Variants in IL1RAPL2 observed in about 807,000 individuals in gnomAD.
The protein encoded by IL1RAPL2 is interleukin 1 receptor accessory protein like 2.
In IL1RAPL2, 3 loss-of-function variants were observed where a neutral mutation model predicts 44.1. That is an observed-to-expected ratio of 0.07 (90% CI 0.03 to 0.18). IL1RAPL2 has a LOEUF of 0.18. IL1RAPL2 is among the 10% of genes least tolerant of loss of function. The probability of loss-of-function intolerance (pLI) is 1.00; values close to 1 mark genes in which losing one functional copy is unlikely to be tolerated. For synonymous variants in IL1RAPL2, 181 were observed against 178.8 expected (o/e 1.01, Z -0.10); for missense variants, 391 against 496.4 (o/e 0.79, Z 2.02).
chrX:105,615,732 TTAAAA>T (rs1346308316), intron 6 of IL1RAPL2, among the ~76,000 whole-genome samples: 1 of 111,800 alleles, frequency 8.9e-6, no homozygotes, highest in Non-Finnish European at 1.9e-5. Flanking sequence ...CAAAAATAGT[TTAAAA>T]TAATAAATAA....
intron 2 of IL1RAPL2, among the ~76,000 whole-genome samples, chrX:104,852,284 A>G (rs1321635963): frequency 8.9e-6 from 1 of 112,450 alleles, no homozygotes; most frequent in Non-Finnish European, 1.9e-5. Flanking sequence ...GGAGGATTAC[A>G]TAATTGTCTT....
At chrX:105,339,278 G>C (rs2035052688) in intron 5 of IL1RAPL2, among the ~76,000 whole-genome samples, 1 of 111,500 alleles carries the variant, frequency 9.0e-6, no homozygotes, top group African/African-American at 3.3e-5. Context: ...ATGCCATGTA[G>C]GTTCCTTTTT....
At chrX:104,954,378 A>G (rs1383746808) in intron 2 of IL1RAPL2, among the ~76,000 whole-genome samples, 2 of 112,280 alleles carry the variant, frequency 1.8e-5, no homozygotes, top group Admixed American at 9.4e-5. Context: ...AAGTTTCTTG[A>G]AGGTCTGTTG....
chrX:104,708,245 T>C (rs1217818239), intron 2 of IL1RAPL2, among the ~76,000 whole-genome samples: 1 of 111,882 alleles, frequency 8.9e-6, no homozygotes, highest in Non-Finnish European at 1.9e-5. Flanking sequence ...CATCACACAG[T>C]TGTTCTTACC....
intron 1 of IL1RAPL2, among the ~76,000 whole-genome samples, chrX:104,581,619 A>G (rs1271169855): frequency 9.0e-6 from 1 of 111,420 alleles, no homozygotes; most frequent in Non-Finnish European, 1.9e-5. Context: ...CAAGCCCAGA[A>G]TTATCTTTTG....
chrX:105,486,893 C>T (rs1602433626), intron 6 of IL1RAPL2, among the ~76,000 whole-genome samples: 1 of 108,844 alleles, frequency 9.2e-6, no homozygotes, highest in African/African-American at 3.4e-5. Flanking sequence ...GAGATCGAGA[C>T]CATCCTGATT....
Position 105,048,678 on chromosome X carries a change from A to G in IL1RAPL2, c.83-146797A>G, listed in dbSNP as rs942157160. Among the ~76,000 whole-genome samples, 4 of 112,053 alleles carry G rather than the reference A, an allele frequency of 3.6e-5. No homozygotes were observed. In the Admixed American group the frequency reaches 3.8e-4, roughly 11 times the overall value. ...CTGCCATAGTGGACAGTGTACATTT[A>G]GAGGAACTCATTTTTGCATCACTAC... is the stretch of plus-strand genomic sequence containing the variant. On this transcript the variant is annotated intron_variant, in intron 2 of 10. Transcript: ENST00000372582.
intron 1 of IL1RAPL2, among the ~76,000 whole-genome samples, chrX:104,575,651 G>A (rs910603574): frequency 2.7e-5 from 3 of 111,713 alleles, no homozygotes; most frequent in African/African-American, 9.7e-5. Flanking sequence ...TGCCACTATC[G>A]GTACAGGGAA....
At position 104,649,410 on chromosome X, in the gene IL1RAPL2, C is replaced by T. The variant is rs147551626; in HGVS notation, c.-19-9485C>T. Reference sequence around the variant, plus strand: ...ATTTGAGTTTGAGAGCCATATTTCCCTCCATAGTAGATAGAATCTAGTTAA... The same window carrying T: ...ATTTGAGTTTGAGAGCCATATTTCCTTCCATAGTAGATAGAATCTAGTTAA... On this transcript the variant is annotated intron_variant, in intron 1 of 10. Coordinates refer to ENST00000372582, the MANE Select transcript of IL1RAPL2 (RefSeq NM_017416.2). 4.9e-3 allele frequency among the ~76,000 whole-genome samples: 544 copies of T among 111,597 alleles called. 1 individual carries two copies. Among genetic ancestry groups the T allele is most frequent in the Non-Finnish European group, 8.8e-3 (467 of 52,997 alleles).
chrX:104,820,465 G>A (rs1921270350), intron 2 of IL1RAPL2, among the ~76,000 whole-genome samples: 1 of 111,370 alleles, frequency 9.0e-6, no homozygotes, highest in Admixed American at 9.6e-5. Context: ...TGTCTCAACT[G>A]CTGATTCAGC....
At chrX:105,048,140 GA>G (rs1411213664) in intron 2 of IL1RAPL2, among the ~76,000 whole-genome samples, 1 of 111,653 alleles carries the variant, frequency 9.0e-6, no homozygotes, top group Non-Finnish European at 1.9e-5. Context: ...CTAGGTAAAA[GA>G]GAGAGAGGAA....
chrX:104,602,876 G>A (rs1023993414), intron 1 of IL1RAPL2, among the ~76,000 whole-genome samples: 3 of 111,709 alleles, frequency 2.7e-5, no homozygotes, highest in African/African-American at 6.5e-5. Context: ...GAGCACCTGG[G>A]GAAAGGGGCA....
intron 2 of IL1RAPL2, among the ~76,000 whole-genome samples, chrX:105,036,571 T>C (rs1200961168): frequency 8.9e-6 from 1 of 111,877 alleles, no homozygotes; most frequent in African/African-American, 3.3e-5. Flanking sequence ...CCAGAAATAT[T>C]TTTCTTATGA....
intron 4 of IL1RAPL2, among the ~76,000 whole-genome samples, chrX:105,255,049 T>G (rs966741814): frequency 2.7e-5 from 3 of 111,829 alleles, no homozygotes; most frequent in Non-Finnish European, 5.6e-5. Flanking sequence ...GGGCTCTTTT[T>G]TGGTTCCTTA....
chrX:105,551,740 C>T (rs1273927402), intron 6 of IL1RAPL2, among the ~76,000 whole-genome samples: 1 of 111,957 alleles, frequency 8.9e-6, no homozygotes, highest in Non-Finnish European at 1.9e-5. Context: ...ATCCAGGTTA[C>T]ATTTCATTAA....
intron 2 of IL1RAPL2, among the ~76,000 whole-genome samples, chrX:105,191,142 C>T (rs972520517): frequency 1.8e-5 from 2 of 112,742 alleles, no homozygotes; most frequent in Non-Finnish European, 3.7e-5. Flanking sequence ...AATAGAGATA[C>T]GAGTTTTATA....
chrX:105,384,107 G>A (rs1315899731), intron 5 of IL1RAPL2, among the ~76,000 whole-genome samples: 2 of 111,111 alleles, frequency 1.8e-5, no homozygotes, highest in Non-Finnish European at 1.9e-5. Context: ...AAGCTTCTTA[G>A]TGTAATATAA....
At position 104,613,119 on chromosome X, in the gene IL1RAPL2, G is replaced by A. The variant is rs186838942; in HGVS notation, c.-19-45776G>A. On this transcript the variant is annotated intron_variant, in intron 1 of 10. Transcript: ENST00000372582. ...GGTATAGAATTATATCATCCATGAA[G>A]GGAAATAGTTTGACACCTTCTTTTC... Among the ~76,000 whole-genome samples the A allele has an allele frequency of 4.7e-4, 53 of 112,089 alleles. No individual in the cohort carries two copies. The South Asian group carries it at 0.011, about 23-fold the overall frequency.
At chrX:105,425,157 C>T (rs1488175385) in intron 5 of IL1RAPL2, among the ~76,000 whole-genome samples, 2 of 111,151 alleles carry the variant, frequency 1.8e-5, no homozygotes, top group Non-Finnish European at 1.9e-5. Flanking sequence ...CCAGACCGCT[C>T]ACTGAGAACA....
Sources: allele counts gnomAD v4.1 joint callset (sites outside exome capture counted in the v4.1 genomes callset), GRCh38; gene constraint gnomAD v4.1.1; transcripts MANE v1.5; gene names NCBI Gene and HGNC (gene_info 2026-07-23, HGNC 2026-07-21).